Variants in TCERG1L observed in about 807,000 individuals in gnomAD.
TCERG1L encodes transcription elongation regulator 1-like protein.
A neutral mutation model predicts 56.3 loss-of-function variants in TCERG1L; 37 were observed. The observed-to-expected ratio is 0.66, with a 90% confidence interval of 0.51 to 0.87. TCERG1L has a LOEUF of 0.87. TCERG1L is among the 40% of genes least tolerant of loss of function. The pLI is 0.00. For synonymous variants in TCERG1L, 324 were observed against 326.3 expected (o/e 0.99, Z 0.08); for missense variants, 799 against 774.2 (o/e 1.03, Z -0.38).
chr10:131,225,346 C>G (rs111492916), intron 4 of TCERG1L, among the ~76,000 whole-genome samples: 2 of 152,132 alleles, frequency 1.3e-5, no homozygotes, highest in African/African-American at 4.8e-5. Flanking sequence ...GACAGGATCA[C>G]GCAGAAGAAC....
At chr10:131,156,065 G>C (rs891117116) in intron 6 of TCERG1L, 7 of 152,204 alleles carry the variant, frequency 4.6e-5, no homozygotes, top group African/African-American at 1.7e-4. Flanking sequence ...GAGTGCAACT[G>C]CAAGTCAGAG....
intron 3 of TCERG1L, among the ~76,000 whole-genome samples, chr10:131,298,047 T>A (rs931988079): frequency 6.6e-6 from 1 of 152,088 alleles, no homozygotes; most frequent in African/African-American, 2.4e-5. Flanking sequence ...TTTTTTAATT[T>A]TTTAATTTCT....
At chr10:131,121,614 G>A (rs532847005) in intron 8 of TCERG1L, among the ~76,000 whole-genome samples, 4 of 152,330 alleles carry the variant, frequency 2.6e-5, no homozygotes, top group Admixed American at 6.5e-5. Flanking sequence ...GATGCCTCTA[G>A]CAGCTCTCCC....
chr10:131,194,298 G>A (rs943098925), intron 4 of TCERG1L, among the ~76,000 whole-genome samples: 7 of 152,238 alleles, frequency 4.6e-5, no homozygotes, highest in Non-Finnish European at 7.3e-5. Context: ...ACACGCTGAC[G>A]AAGGGAGACA....
chr10:131,094,575 G>T (rs1845221543), intron 11 of TCERG1L, among the ~76,000 whole-genome samples: 1 of 152,122 alleles, frequency 6.6e-6, no homozygotes, highest in Admixed American at 6.5e-5. Context: ...CTCCGTCTGT[G>T]GGGGTGCTTG....
At chr10:131,145,356 A>G (rs2133413725) in intron 7 of TCERG1L, among the ~76,000 whole-genome samples, 1 of 152,328 alleles carries the variant, frequency 6.6e-6, no homozygotes, top group Middle Eastern at 3.4e-3. Context: ...GAGGAAATGC[A>G]ATTGCCAAAT....
intron 6 of TCERG1L, among the ~76,000 whole-genome samples, chr10:131,149,579 G>A (rs953015646): frequency 4.6e-5 from 7 of 152,226 alleles, no homozygotes; most frequent in African/African-American, 1.7e-4. Context: ...CCAGGGTAGA[G>A]ACTGACTCCT....
chr10:131,261,369 T>A (rs1234705550), intron 3 of TCERG1L, among the ~76,000 whole-genome samples: 1 of 152,216 alleles, frequency 6.6e-6, no homozygotes, highest in East Asian at 1.9e-4. Flanking sequence ...AATTCACTAC[T>A]CTTGATCTGG....
intron 7 of TCERG1L, among the ~76,000 whole-genome samples, chr10:131,141,204 G>A (rs981696577): frequency 3.3e-5 from 5 of 152,130 alleles, no homozygotes; most frequent in African/African-American, 4.8e-5. Flanking sequence ...GCCACACCAC[G>A]GGTGCTGTGA....
At chr10:131,309,392 G>A in intron 1 of TCERG1L, 93 bp from the exon 2 acceptor site, 1 of 1,473,324 alleles carries the variant, frequency 6.8e-7, no homozygotes, top group Non-Finnish European at 9.1e-7. Context: ...CTTTGAAAAG[G>A]GAATTTCAAA....
intron 9 of TCERG1L, among the ~76,000 whole-genome samples, chr10:131,104,998 A>G (rs1014705686): frequency 6.6e-6 from 1 of 152,094 alleles, no homozygotes; most frequent in African/African-American, 2.4e-5. Flanking sequence ...CCAATTTTCC[A>G]TTTCTGCCAA....
At chr10:131,250,001 AC>A in intron 4 of TCERG1L, among the ~76,000 whole-genome samples, 1 of 152,282 alleles carries the variant, frequency 6.6e-6, no homozygotes, top group South Asian at 2.1e-4. Flanking sequence ...AAGAGCAAAC[AC>A]TGTTCGGGGC....
chr10:131,190,348 A>C (rs1367019628), intron 4 of TCERG1L, among the ~76,000 whole-genome samples: 1 of 152,190 alleles, frequency 6.6e-6, no homozygotes, highest in South Asian at 2.1e-4. Flanking sequence ...CCAGACATTC[A>C]AAGAATTGGT....
rs572844135 is a variant in TCERG1L, at chr10:131,096,872, C to T, written c.1604+1434G>A. ...TTGCACTCCAGCCTGGGCAACAGAG[C>T]GACTCCATCTCAAAAAAAAAAAAAA... On this transcript the variant is annotated intron_variant, in intron 11 of 11. Coordinates refer to ENST00000368642, the MANE Select transcript of TCERG1L (RefSeq NM_174937.4). Among the ~76,000 whole-genome samples the T allele has an allele frequency of 3.7e-3, 507 of 138,756 alleles. 4 individuals carry two copies. Among genetic ancestry groups the T allele is most frequent in the Non-Finnish European group, 3.6e-3 (235 of 65,410 alleles). 91.0% of individuals were successfully genotyped at this position (138,756 alleles called of 152,430 possible).
intron 3 of TCERG1L, among the ~76,000 whole-genome samples, chr10:131,290,157 G>GGT (rs10578441): frequency 4.8e-5 from 2 of 41,354 alleles, no homozygotes; most frequent in African/African-American, 6.5e-5. Context: ...ATCTCCTATC[G>GGT]GTGTGTGTGT....
Position 131,301,338 on chromosome 10 carries a change from A to G in TCERG1L, c.670+6873T>C, listed in dbSNP as rs1367554556. ...GACATAATTTATGTATCCAGATTAT[A>G]ATTATCATAAAAAACTCTTGTAAAT... On this transcript the variant is annotated intron_variant, in intron 3 of 11. Coordinates refer to ENST00000368642, the MANE Select transcript of TCERG1L (RefSeq NM_174937.4). Among the ~76,000 whole-genome samples the G allele has an allele frequency of 2.0e-5, 3 of 152,068 alleles. 1 individual carries two copies. The highest frequency in any genetic ancestry group is 4.8e-5 in the African/African-American group (2 of 41,324).
chr10:131,179,839 CCT>C (rs929303264), intron 4 of TCERG1L, among the ~76,000 whole-genome samples: 4 of 152,262 alleles, frequency 2.6e-5, no homozygotes, highest in Middle Eastern at 3.4e-3. Flanking sequence ...CCAGGCACCC[CCT>C]GATTCCCCGC....
At chr10:131,238,813 A>T (rs893471723) in intron 4 of TCERG1L, among the ~76,000 whole-genome samples, 3 of 152,022 alleles carry the variant, frequency 2.0e-5, no homozygotes, top group Non-Finnish European at 4.4e-5. Flanking sequence ...CGCAGCTTTG[A>T]CTCGGCGCTC....
chr10:131,124,400 C>T lies in TCERG1L; in HGVS notation c.1260-7466G>A, dbSNP rs1395696948. On this transcript the variant is annotated intron_variant, in intron 8 of 11. Transcript: ENST00000368642. ...CACCCCAGCCTTTGTCTTGGCACCG[C>T]AGACCTTGCCCTTCGGAGCGATGCT... Among the ~76,000 whole-genome samples, 4 of 152,230 alleles carry T rather than the reference C, an allele frequency of 2.6e-5. No individual in the cohort carries two copies. The East Asian group carries it at 7.7e-4, about 29-fold the overall frequency.
Sources: gnomAD v4.1 joint callset for allele counts (sites outside exome capture counted in the v4.1 genomes callset) on GRCh38, gnomAD v4.1.1 for gene constraint, MANE v1.5 for transcripts, NCBI Gene and HGNC (gene_info 2026-07-23, HGNC 2026-07-21) for gene names.